SH3RF3: variants seen among roughly 807,000 people sequenced by gnomAD.
SH3RF3 encodes E3 ubiquitin-protein ligase SH3RF3.
In SH3RF3, 29 loss-of-function variants were observed where a neutral mutation model predicts 66.3. The ratio of observed to expected loss-of-function variants is 0.44; its 90% CI spans 0.33 to 0.60. The LOEUF (loss-of-function observed/expected upper bound fraction) is 0.60, where lower values mean the gene tolerates loss of function less well. Ranked by LOEUF, SH3RF3 falls within the 20% of genes least tolerant of loss-of-function variation. The pLI is 0.04. For missense variants in SH3RF3, 1,194 were observed against 1,190.9 expected (o/e 1.00, Z -0.04); for synonymous variants, 583 against 532.0 (o/e 1.10, Z -1.32).
At chr2:109,408,284 A>G (rs1339957915) in intron 4 of SH3RF3, among the ~76,000 whole-genome samples, 1 of 152,142 alleles carries the variant, frequency 6.6e-6, no homozygotes, top group African/African-American at 2.4e-5. Context: ...GCAGGAGGAA[A>G]CCAGGCCACT....
At chr2:109,403,282 C>G (rs1179490735) in intron 4 of SH3RF3, among the ~76,000 whole-genome samples, 1 of 152,178 alleles carries the variant, frequency 6.6e-6, no homozygotes, top group African/African-American at 2.4e-5. Flanking sequence ...GTTTGCCTGT[C>G]CCCCATCTCT....
chr2:109,466,793 G>A (rs892465793), intron 8 of SH3RF3, among the ~76,000 whole-genome samples: 9 of 151,624 alleles, frequency 5.9e-5, no homozygotes, highest in Non-Finnish European at 1.0e-4. Context: ...GTGCATGTGT[G>A]TATCTATATG....
chr2:109,426,846 T>C (rs1478064058), intron 5 of SH3RF3, among the ~76,000 whole-genome samples: 1 of 152,098 alleles, frequency 6.6e-6, no homozygotes, highest in African/African-American at 2.4e-5. Flanking sequence ...CCCCCACCTT[T>C]AGCCACCACC....
chr2:109,145,538 C>T (rs1016276388), intron 1 of SH3RF3, among the ~76,000 whole-genome samples: 2 of 152,232 alleles, frequency 1.3e-5, no homozygotes, highest in African/African-American at 4.8e-5. Context: ...GGGGCTGCTT[C>T]CTCACACATC....
At position 109,145,452 on chromosome 2, in the gene SH3RF3, C is replaced by T. The variant is rs1200605159; in HGVS notation, c.573+15339C>T. Among the ~76,000 whole-genome samples the T allele has an allele frequency of 4.6e-5, 7 of 152,142 alleles. No individual in the cohort carries two copies. In the South Asian group the frequency reaches 1.0e-3, roughly 23 times the overall value. ...CTTATGGAAGACCGGTCGCCTTCACCATTGGTCTGTCTGTCCGTGAGGGAA... is the reference window on the plus strand; with the variant it reads ...CTTATGGAAGACCGGTCGCCTTCACTATTGGTCTGTCTGTCCGTGAGGGAA... On this transcript the variant is annotated intron_variant, in intron 1 of 9. Transcript: ENST00000309415.
chr2:109,156,192 G>A (rs1677341644), intron 1 of SH3RF3, among the ~76,000 whole-genome samples: 1 of 152,240 alleles, frequency 6.6e-6, no homozygotes, highest in East Asian at 1.9e-4. Context: ...TTAACTCAGT[G>A]AATTAGCACT....
chr2:109,457,528 A>T (rs547791604), intron 8 of SH3RF3, among the ~76,000 whole-genome samples: 15 of 152,330 alleles, frequency 9.8e-5, no homozygotes, highest in Non-Finnish European at 1.6e-4. Flanking sequence ...ACTAATCAGG[A>T]TTACTGTGAA....
chr2:109,278,508 C>T (rs1200240400), intron 1 of SH3RF3, among the ~76,000 whole-genome samples: 1 of 152,220 alleles, frequency 6.6e-6, no homozygotes, highest in Non-Finnish European at 1.5e-5. Context: ...AAGGATTCAG[C>T]AGAAGGGACA....
Position 109,500,124 on chromosome 2 carries a change from C to T in SH3RF3, c.2481-1379C>T, listed in dbSNP as rs114489994. Among the ~76,000 whole-genome samples the T allele has an allele frequency of 1.7e-3, 252 of 152,228 alleles. 2 individuals carry two copies. The highest frequency in any genetic ancestry group is 5.8e-3 in the African/African-American group (240 of 41,550). On this transcript the variant is annotated intron_variant, in intron 9 of 9. Transcript: ENST00000309415. ...ACCCACAGTCGATTCTTTTGGCTGCCGTGAGGTTTCTCAGGCAGGCACTTT... is the reference window on the plus strand; with the variant it reads ...ACCCACAGTCGATTCTTTTGGCTGCTGTGAGGTTTCTCAGGCAGGCACTTT...
intron 1 of SH3RF3, among the ~76,000 whole-genome samples, chr2:109,258,615 G>T (rs1463415544): frequency 6.6e-6 from 1 of 152,224 alleles, no homozygotes; most frequent in Non-Finnish European, 1.5e-5. Context: ...GCCACAGCTG[G>T]CTGTGCTCCT....
At chr2:109,474,248 C>T (rs1240999501) in intron 8 of SH3RF3, among the ~76,000 whole-genome samples, 1 of 152,174 alleles carries the variant, frequency 6.6e-6, no homozygotes, top group African/African-American at 2.4e-5. Flanking sequence ...CATTTGTCTG[C>T]AGCAGTCCTT....
chr2:109,486,423 A>G (rs979247468), intron 8 of SH3RF3, among the ~76,000 whole-genome samples: 2 of 152,168 alleles, frequency 1.3e-5, no homozygotes, highest in Non-Finnish European at 2.9e-5. Flanking sequence ...TAGGAATCTC[A>G]TTTTATTTAT....
chr2:109,130,320 C>T (rs146312242), intron 1 of SH3RF3, among the ~76,000 whole-genome samples: 15 of 152,366 alleles, frequency 9.8e-5, no homozygotes, highest in African/African-American at 2.9e-4. Context: ...TGTGTCCCAT[C>T]CTCCTGTGGA....
Position 109,256,407 on chromosome 2 carries a change from T to G in SH3RF3, c.574-91267T>G, listed in dbSNP as rs548207005. 3.3e-5 allele frequency among the ~76,000 whole-genome samples: 5 copies of G among 152,284 alleles called. No homozygotes were observed. In the East Asian group the frequency reaches 9.6e-4, roughly 29 times the overall value. On this transcript the variant is annotated intron_variant, in intron 1 of 9. Coordinates refer to ENST00000309415, the MANE Select transcript of SH3RF3 (RefSeq NM_001099289.3). ...TGAGCGGCAATGCGATGTCCTCCCC[T>G]GCAAGGAAGGAGATGTTTCAGACTT...
Position 109,129,608 on chromosome 2 carries a change from A to G in SH3RF3, c.68A>G (p.Asp23Gly). 1.3e-6 allele frequency: 2 copies of G among 1,481,574 alleles called. No individual in the cohort carries two copies. The highest frequency in any genetic ancestry group is 2.6e-5 in the South Asian group (2 of 76,534). 91.8% of individuals were successfully genotyped at this position (1,481,574 alleles called of 1,614,324 possible). The change falls in exon 1 of 10, where the codon GAC becomes GGC. Residue 23 changes from aspartate (D) to glycine (G), a missense_variant. Coordinates refer to ENST00000309415, the MANE Select transcript of SH3RF3 (RefSeq NM_001099289.3). Reference protein sequence around the residue: ...AAAAAAQSEGDEDRPGERRRR... With the variant: ...AAAAAAQSEGGEDRPGERRRR... ...GCCGCTGCTGCGCAGAGCGAGGGCG[A>G]CGAGGACAGGCCAGGCGAGCGACGG... is the stretch of plus-strand genomic sequence containing the variant.
At chr2:109,170,586 G>A (rs527849250) in intron 1 of SH3RF3, among the ~76,000 whole-genome samples, 2 of 152,136 alleles carry the variant, frequency 1.3e-5, no homozygotes, top group East Asian at 3.9e-4. Context: ...CCTCAACCTC[G>A]TGATCCACCC....
At chr2:109,155,234 C>A (rs1266625561) in intron 1 of SH3RF3, among the ~76,000 whole-genome samples, 2 of 152,150 alleles carry the variant, frequency 1.3e-5, no homozygotes, top group Non-Finnish European at 2.9e-5. Context: ...TGCATCTATG[C>A]CTATTTTATA....
chr2:109,311,928 T>C (rs1441273770), intron 1 of SH3RF3, among the ~76,000 whole-genome samples: 2 of 152,208 alleles, frequency 1.3e-5, no homozygotes, highest in African/African-American at 4.8e-5. Context: ...GTGGATGAGA[T>C]GGAGTCACAG....
intron 1 of SH3RF3, among the ~76,000 whole-genome samples, chr2:109,295,457 G>C (rs1203815970): frequency 1.3e-5 from 2 of 152,250 alleles, no homozygotes; most frequent in Admixed American, 1.3e-4. Flanking sequence ...GCAGGGCAGG[G>C]AGAGGACCCT....
Sources: allele counts gnomAD v4.1 joint callset (sites outside exome capture counted in the v4.1 genomes callset), GRCh38; gene constraint gnomAD v4.1.1; transcripts MANE v1.5; gene names NCBI Gene and HGNC (gene_info 2026-07-23, HGNC 2026-07-21).